Variants in DIS3L2 observed in about 807,000 individuals in gnomAD.
DIS3L2 encodes DIS3-like exonuclease 2.
Under a neutral mutation model 97.5 loss-of-function variants are expected in DIS3L2, and 34 were observed. The observed-to-expected ratio is 0.35, with a 90% CI of 0.27 to 0.46. The LOEUF (loss-of-function observed/expected upper bound fraction) is 0.46. Among genes scored for constraint, DIS3L2 ranks in the 20% least tolerant of loss-of-function variants. The pLI is 1.00. For synonymous variants in DIS3L2, 435 were observed against 445.2 expected (o/e 0.98, Z 0.29); for missense variants, 1,038 against 1,146.0 (o/e 0.91, Z 1.36).
intron 9 of DIS3L2, among the ~76,000 whole-genome samples, chr2:232,171,228 T>C (rs888089656): frequency 2.0e-5 from 3 of 152,198 alleles, no homozygotes; most frequent in Non-Finnish European, 4.4e-5. Context: ...ATAGGTGTCA[T>C]GCAGAAAAAG....
At chr2:232,253,052 T>C (rs1409439051) in intron 12 of DIS3L2, among the ~76,000 whole-genome samples, 1 of 152,232 alleles carries the variant, frequency 6.6e-6, no homozygotes, top group Non-Finnish European at 1.5e-5. Flanking sequence ...TGGTGTTCCA[T>C]AAAATGAGCA....
rs1574959175 is a variant in DIS3L2 at position 232,229,041 on chromosome 2, T to C, written c.1205-9492T>C. ...TCTAAAGATCATCACTGAGGACATT[T>C]TTATTCTGCTCTTTCTTAGCAGTAA... On this transcript the variant is annotated intron_variant, in intron 10 of 20. Transcript: ENST00000325385. 2.0e-5 allele frequency among the ~76,000 whole-genome samples: 3 copies of C among 152,354 alleles called. No homozygotes were observed. The South Asian group carries it at 6.2e-4, about 32-fold the overall frequency.
intron 14 of DIS3L2, among the ~76,000 whole-genome samples, chr2:232,315,833 G>A (rs2106334558): frequency 6.6e-6 from 1 of 152,314 alleles, no homozygotes; most frequent in East Asian, 1.9e-4. Flanking sequence ...TGCTCTGAAA[G>A]CCCAACACAG....
chr2:232,260,476 C>T lies in DIS3L2; in HGVS notation c.1426-2731C>T, dbSNP rs550002965. ...AATTGACTCTACAGTTGCTTTTGCC[C>T]ACAGCACACACATGCTTCCTGAGAG... On this transcript the variant is annotated intron_variant, in intron 12 of 20. Transcript: ENST00000325385. 7.9e-5 allele frequency: 12 copies of T among 152,372 alleles called. No individual in the cohort carries two copies. The South Asian group carries it at 2.5e-3, about 32-fold the overall frequency. The allele number at this position is 152,372 out of a possible 1,614,324, so 9.4% of individuals were successfully genotyped here.
chr2:232,143,633 AC>A (rs1421236100), intron 8 of DIS3L2, among the ~76,000 whole-genome samples: 1 of 152,168 alleles, frequency 6.6e-6, no homozygotes, highest in Non-Finnish European at 1.5e-5. Context: ...GTTTTGGTAT[AC>A]ATTTGACTAA....
chr2:232,014,766 A>G, intron 1 of DIS3L2, 69 bp from the exon 2 acceptor site: 2 of 645,488 alleles, frequency 3.1e-6, no homozygotes, highest in Non-Finnish European at 5.0e-6. Context: ...TGAACTACTA[A>G]ATTTCTGAGA....
chr2:232,184,086 T>C (rs1356346986), intron 9 of DIS3L2, among the ~76,000 whole-genome samples: 1 of 152,224 alleles, frequency 6.6e-6, no homozygotes, highest in Non-Finnish European at 1.5e-5. Flanking sequence ...CCATTTTTCT[T>C]GAGTAATTGC....
downstream of DIS3L2, among the ~76,000 whole-genome samples, chr2:232,341,242 G>A (rs938496043): frequency 6.6e-6 from 1 of 152,170 alleles, no homozygotes; most frequent in South Asian, 2.1e-4. Flanking sequence ...TGGGGCAAGC[G>A]CTCGGGACAG....
chr2:232,087,813 C>T (rs1449192025), intron 6 of DIS3L2, 92 bp downstream of exon 6: 6 of 1,028,084 alleles, frequency 5.8e-6, no homozygotes, highest in Middle Eastern at 2.1e-4. Flanking sequence ...AACACAATGC[C>T]ATTGATATAG....
intron 6 of DIS3L2, among the ~76,000 whole-genome samples, chr2:232,115,641 C>T (rs115125588): frequency 0.018 from 2,683 of 152,198 alleles, 38 homozygotes; most frequent in Middle Eastern, 0.055. Flanking sequence ...GCGGTTTCCC[C>T]CATTCTGTTC....
intron 8 of DIS3L2, among the ~76,000 whole-genome samples, chr2:232,162,797 C>T (rs1389530489): frequency 6.6e-6 from 1 of 152,194 alleles, no homozygotes; most frequent in Non-Finnish European, 1.5e-5. Flanking sequence ...GAATAGAGAG[C>T]TGTCAATTTG....
Position 231,969,342 on chromosome 2 carries a change from G to A in DIS3L2, c.-94+7577G>A, listed in dbSNP as rs1292271673. Among the ~76,000 whole-genome samples the A allele has an allele frequency of 7.7e-5, 10 of 129,298 alleles. No homozygotes were observed. In the East Asian group the frequency reaches 1.5e-3, roughly 20 times the overall value. 84.8% of individuals were successfully genotyped at this position (129,298 alleles called of 152,430 possible). A position where few individuals can be genotyped will look rare whatever the true frequency, so the allele number is the denominator to read the frequency against. Reference sequence around the variant, plus strand: ...TTTTTTTTTTTTGAGTTGGAGTCTCGTTCTATTGCCCAGGTAGGAGTGCAG... The same window carrying A: ...TTTTTTTTTTTTGAGTTGGAGTCTCATTCTATTGCCCAGGTAGGAGTGCAG... On this transcript the variant is annotated intron_variant, in intron 1 of 20. Transcript: ENST00000325385.
intron 14 of DIS3L2, among the ~76,000 whole-genome samples, chr2:232,304,503 G>A (rs755386678): frequency 3.9e-5 from 6 of 152,206 alleles, no homozygotes; most frequent in East Asian, 1.9e-4. Context: ...TGGCAGCAAC[G>A]ATGAGGAAAG....
intron 9 of DIS3L2, among the ~76,000 whole-genome samples, chr2:232,197,137 A>G (rs1691777249): frequency 6.6e-6 from 1 of 152,216 alleles, no homozygotes; most frequent in Admixed American, 6.5e-5. Flanking sequence ...TTCCTCAAAT[A>G]GAAATCTAGG....
chr2:232,214,476 A>T (rs139073515), intron 10 of DIS3L2, among the ~76,000 whole-genome samples: 1 of 152,194 alleles, frequency 6.6e-6, no homozygotes, highest in Non-Finnish European at 1.5e-5. Context: ...TTGACAACCT[A>T]TCAGTTACTA....
At chr2:232,321,188 T>C (rs1480340722) in intron 14 of DIS3L2, among the ~76,000 whole-genome samples, 6 of 152,082 alleles carry the variant, frequency 3.9e-5, no homozygotes, top group Admixed American at 2.0e-4. Context: ...AGCAAAAGCC[T>C]GCGGGGGGCC....
intron 3 of DIS3L2, among the ~76,000 whole-genome samples, chr2:232,018,139 A>G (rs543271179): frequency 1.3e-5 from 2 of 152,358 alleles, no homozygotes; most frequent in East Asian, 3.9e-4. Flanking sequence ...TTTTGGTTAT[A>G]GAATTATACC....
intron 13 of DIS3L2, among the ~76,000 whole-genome samples, chr2:232,291,766 C>G (rs752555721): frequency 6.6e-6 from 1 of 152,378 alleles, no homozygotes; most frequent in Non-Finnish European, 1.5e-5. Context: ...CTGAATGGCT[C>G]TGTCCTGCTG....
intron 1 of DIS3L2, among the ~76,000 whole-genome samples, chr2:232,006,749 C>A (rs1038056624): frequency 6.6e-6 from 1 of 151,948 alleles, no homozygotes; most frequent in African/African-American, 2.4e-5. Flanking sequence ...TGTAAGGAAA[C>A]CTGTGAATTG....
Sources: gnomAD v4.1 joint callset for allele counts (sites outside exome capture counted in the v4.1 genomes callset) on GRCh38, gnomAD v4.1.1 for gene constraint, MANE v1.5 for transcripts, NCBI Gene and HGNC (gene_info 2026-07-23, HGNC 2026-07-21) for gene names.